The following DNAJC3 variants were observed in gnomAD, a reference collection of about 807,000 sequenced individuals.
DNAJC3 encodes the protein dnaJ homolog subfamily C member 3.
In DNAJC3, 38 loss-of-function variants were observed where a neutral mutation model predicts 68.6. That is an observed-to-expected ratio of 0.55 (90% CI 0.43 to 0.73). The LOEUF is 0.73. Among genes scored for constraint, DNAJC3 ranks in the 30% least tolerant of loss-of-function variants. The pLI is 0.00. For missense variants in DNAJC3, 526 were observed against 591.9 expected (o/e 0.89, Z 1.16); for synonymous variants, 203 against 204.0 (o/e 1.00, Z 0.04).
At chr13:95,784,845 G>T (rs777473056) in intron 9 of DNAJC3, among the ~76,000 whole-genome samples, 1 of 151,958 alleles carries the variant, frequency 6.6e-6, no homozygotes, top group African/African-American at 2.4e-5. Context: ...GTGGTGGTGC[G>T]TGCCTGTAGT....
chr13:95,693,251 A>G (rs1447786053), intron 1 of DNAJC3: 1 of 152,212 alleles, frequency 6.6e-6, no homozygotes, highest in African/African-American at 2.4e-5. Flanking sequence ...TTCCTCCCTT[A>G]TTATTGGCAG....
intron 1 of DNAJC3, among the ~76,000 whole-genome samples, chr13:95,696,530 T>C (rs1458217229): frequency 1.3e-5 from 2 of 152,236 alleles, no homozygotes; most frequent in Non-Finnish European, 2.9e-5. Flanking sequence ...TTGGGGATGC[T>C]GTCACTCACC....
chr13:95,726,325 C>T (rs1344937081), intron 4 of DNAJC3, among the ~76,000 whole-genome samples: 1 of 152,206 alleles, frequency 6.6e-6, no homozygotes, highest in African/African-American at 2.4e-5. Flanking sequence ...TCCACATCCT[C>T]CCCAGCACCT....
At chr13:95,768,252 C>T (rs1258933649) in intron 9 of DNAJC3, among the ~76,000 whole-genome samples, 1 of 152,096 alleles carries the variant, frequency 6.6e-6, no homozygotes. Flanking sequence ...TACTTATCTC[C>T]TAGAATTGTG....
intron 4 of DNAJC3, among the ~76,000 whole-genome samples, chr13:95,748,857 A>C (rs1882388513): frequency 6.6e-6 from 1 of 152,212 alleles, no homozygotes; most frequent in Admixed American, 6.5e-5. Flanking sequence ...AAAGTTTTAA[A>C]AGAATACTCA....
rs1434936916 is a variant in DNAJC3, at chr13:95,760,038, A to G, written c.547-2A>G. On this transcript the variant is annotated splice_acceptor_variant, in intron 5 of 11. Transcript: ENST00000602402. LOFTEE classifies it high-confidence loss of function. ...TAAAGTCTAGTTCTTTTGTTCCTCA[A>G]GGTTTGTGTTTGGGATGCAGAACTA... 2 of 1,578,880 alleles carry G rather than the reference A, an allele frequency of 1.3e-6. No individual in the cohort carries two copies. The highest frequency in any genetic ancestry group is 1.8e-5 in the Admixed American group (1 of 54,318).
chr13:95,685,892 A>G (rs1387847907), intron 1 of DNAJC3, among the ~76,000 whole-genome samples: 1 of 151,700 alleles, frequency 6.6e-6, no homozygotes, highest in Non-Finnish European at 1.5e-5. Context: ...ATGATTAGTG[A>G]TGAACATTTT....
chr13:95,754,106 C>A (rs1882575872), intron 4 of DNAJC3, among the ~76,000 whole-genome samples: 1 of 152,188 alleles, frequency 6.6e-6, no homozygotes, highest in African/African-American at 2.4e-5. Flanking sequence ...GGTTAGGAAT[C>A]TGGCCATGGT....
At chr13:95,776,995 G>A (rs1594024353) in intron 9 of DNAJC3, among the ~76,000 whole-genome samples, 1 of 152,132 alleles carries the variant, frequency 6.6e-6, no homozygotes, top group African/African-American at 2.4e-5. Flanking sequence ...TTGGTTCTAC[G>A]TGAAATTCAG....
At chr13:95,688,920 TTGTGTGGGTGTGTGTGTG>T (rs1880139914) in intron 1 of DNAJC3, among the ~76,000 whole-genome samples, 1 of 124,352 alleles carries the variant, frequency 8.0e-6, no homozygotes, top group Non-Finnish European at 1.6e-5. Context: ...GCCCATTTGA[TTGTGTGGGTGTGTGTGTG>T]TGTGTGTGTG....
At chr13:95,739,050 C>G (rs2139656105) in intron 4 of DNAJC3, among the ~76,000 whole-genome samples, 1 of 152,092 alleles carries the variant, frequency 6.6e-6, no homozygotes, top group South Asian at 2.1e-4. Context: ...ATTTGCTTGT[C>G]TGTAAAGGAT....
intron 1 of DNAJC3, among the ~76,000 whole-genome samples, chr13:95,686,000 C>T (rs536586746): frequency 3.3e-5 from 5 of 149,590 alleles, no homozygotes; most frequent in Admixed American, 1.3e-4. Flanking sequence ...CTTGCTCTGT[C>T]GCCCAGGCTG....
chr13:95,755,937 T>C (rs79017032), intron 4 of DNAJC3, among the ~76,000 whole-genome samples: 172 of 152,156 alleles, frequency 1.1e-3, no homozygotes, highest in African/African-American at 4.0e-3. Flanking sequence ...TCTTCTGGCC[T>C]CACAGAGGCC....
intron 1 of DNAJC3, among the ~76,000 whole-genome samples, chr13:95,683,644 C>T (rs1353522025): frequency 1.3e-5 from 2 of 151,966 alleles, no homozygotes; most frequent in Non-Finnish European, 2.9e-5. Flanking sequence ...TACCCAGTTC[C>T]GGCTGGGCAC....
At chr13:95,716,437 G>A (rs765491810) in intron 2 of DNAJC3, among the ~76,000 whole-genome samples, 1 of 152,198 alleles carries the variant, frequency 6.6e-6, no homozygotes, top group East Asian at 1.9e-4. Flanking sequence ...ATCTGCAGAC[G>A]GCTTGTGTTA....
intron 1 of DNAJC3, among the ~76,000 whole-genome samples, 187 bp downstream of exon 1, chr13:95,677,524 G>A (rs1047153892): frequency 5.9e-5 from 9 of 152,226 alleles, no homozygotes; most frequent in Admixed American, 2.6e-4. Flanking sequence ...GAATCGAGGG[G>A]ACTGGCGGGC....
At chr13:95,683,838 G>C (rs1594766376) in intron 1 of DNAJC3, among the ~76,000 whole-genome samples, 2 of 149,786 alleles carry the variant, frequency 1.3e-5, no homozygotes, top group African/African-American at 4.9e-5. Flanking sequence ...GGAGGCTGAG[G>C]CAGAGAATTG....
At chr13:95,737,327 T>C (rs1371826810) in intron 4 of DNAJC3, among the ~76,000 whole-genome samples, 1 of 152,238 alleles carries the variant, frequency 6.6e-6, no homozygotes, top group African/African-American at 2.4e-5. Flanking sequence ...AGAATGATGC[T>C]GGCCTCATAA....
chr13:95,707,556 A>G (rs1463187330), intron 1 of DNAJC3, among the ~76,000 whole-genome samples: 1 of 152,114 alleles, frequency 6.6e-6, no homozygotes, highest in Non-Finnish European at 1.5e-5. Flanking sequence ...GCCCAAGGCC[A>G]TGACCAAACC....
Sources: gnomAD v4.1 joint callset for allele counts (sites outside exome capture counted in the v4.1 genomes callset) on GRCh38, gnomAD v4.1.1 for gene constraint, MANE v1.5 for transcripts, NCBI Gene and HGNC (gene_info 2026-07-23, HGNC 2026-07-21) for gene names.